The following CERS3 variants were observed in gnomAD, a reference collection of about 807,000 sequenced individuals.
CERS3 encodes ceramide synthase 3, also known as LAG1 homolog, ceramide synthase 3.
In CERS3, 33 loss-of-function variants were observed where a neutral mutation model predicts 50.3. The ratio of observed to expected loss-of-function variants is 0.66; its 90% CI spans 0.50 to 0.88. CERS3 has a LOEUF of 0.88. Ranked by LOEUF, CERS3 falls within the 40% of genes least tolerant of loss-of-function variation. CERS3 has a pLI of 0.00. For missense variants in CERS3, 470 were observed against 460.3 expected, an observed-to-expected ratio of 1.02 and a Z score of -0.19; for synonymous variants, 176 against 155.2, an observed-to-expected ratio of 1.13 and a Z score of -0.99.
chr15:100,446,696 G>T (rs527359130), intron 11 of CERS3, among the ~76,000 whole-genome samples: 8 of 152,240 alleles, frequency 5.3e-5, no homozygotes, highest in Non-Finnish European at 1.0e-4. Context: ...CAACTCAAAA[G>T]ATCCTTAATG....
chr15:100,538,977 C>A (rs994335533), intron 1 of CERS3, among the ~76,000 whole-genome samples: 3 of 152,176 alleles, frequency 2.0e-5, no homozygotes, highest in Non-Finnish European at 2.9e-5. Context: ...CTCTTGAACA[C>A]TTTACTTTTG....
intron 2 of CERS3, among the ~76,000 whole-genome samples, chr15:100,504,534 G>A (rs72759166): frequency 0.052 from 7,981 of 152,210 alleles, 298 homozygotes; most frequent in Admixed American, 0.11. Flanking sequence ...TAAGCACTGC[G>A]CCCAGCCTCA....
chr15:100,407,192 G>A (rs1352595065), intron 11 of CERS3, among the ~76,000 whole-genome samples: 4 of 152,280 alleles, frequency 2.6e-5, no homozygotes, highest in Non-Finnish European at 4.4e-5. Context: ...TCTCCAGAAA[G>A]GCATACCAGC....
chr15:100,513,179 G>T (rs1004207057), intron 2 of CERS3, among the ~76,000 whole-genome samples: 2 of 152,096 alleles, frequency 1.3e-5, no homozygotes, highest in African/African-American at 2.4e-5. Flanking sequence ...TGTGATCTAG[G>T]TTGCCATCTA....
At chr15:100,447,350 C>G (rs758445933) in intron 11 of CERS3, among the ~76,000 whole-genome samples, 1 of 152,228 alleles carries the variant, frequency 6.6e-6, no homozygotes, top group Non-Finnish European at 1.5e-5. Flanking sequence ...TGCCTATGAC[C>G]TGAAAGCCCC....
chr15:100,418,352 G>A (rs1567598091), intron 11 of CERS3, among the ~76,000 whole-genome samples: 1 of 151,968 alleles, frequency 6.6e-6, no homozygotes, highest in Non-Finnish European at 1.5e-5. Context: ...TGAAATGAAT[G>A]AAATGAAGCG....
intron 3 of CERS3, among the ~76,000 whole-genome samples, chr15:100,491,781 G>A (rs2035660725): frequency 6.6e-6 from 1 of 151,768 alleles, no homozygotes; most frequent in South Asian, 2.1e-4. Context: ...TTCATCTCAA[G>A]TATTTGCAAA....
chr15:100,526,498 G>GTGTGTGTGTGTGTGTGTGTGTGTGTGTA (rs2036797675), intron 1 of CERS3, among the ~76,000 whole-genome samples: 1 of 151,912 alleles, frequency 6.6e-6, no homozygotes, highest in Non-Finnish European at 1.5e-5. Context: ...GTGTGTGTGT[G>GTGTGTGTGTGTGTGTGTGTGTGTGTGTA]TGTGTGTGTG....
chr15:100,425,267 A>G (rs754148287), intron 11 of CERS3, among the ~76,000 whole-genome samples: 29 of 152,296 alleles, frequency 1.9e-4, no homozygotes, highest in Non-Finnish European at 1.9e-4. Context: ...CCAGACCCCA[A>G]AATGGTAGAT....
At chr15:100,543,535 T>C (rs150606028) in intron 1 of CERS3, among the ~76,000 whole-genome samples, 1 of 35,854 alleles carries the variant, frequency 2.8e-5, no homozygotes, top group Non-Finnish European at 7.1e-5. Context: ...CTTTCTTTCT[T>C]TTTTTTTTTT....
At position 100,449,763 on chromosome 15, in the gene CERS3, T is replaced by G. The variant is rs535756712; in HGVS notation, c.999+6130A>C. ...AATATCCTCCTCTATGAAAACAAAT[T>G]TTAAAAAATGTAAGAAGCAACTGTT... On this transcript the variant is annotated intron_variant, in intron 11 of 11. Transcript: ENST00000679737. 5.3e-5 allele frequency among the ~76,000 whole-genome samples: 8 copies of G among 152,226 alleles called. No homozygotes were observed. The South Asian group carries it at 1.5e-3, about 28-fold the overall frequency.
intron 11 of CERS3, among the ~76,000 whole-genome samples, chr15:100,455,449 G>T (rs1473327634): frequency 6.6e-6 from 1 of 152,128 alleles, no homozygotes; most frequent in Non-Finnish European, 1.5e-5. Context: ...AAAATAGCTG[G>T]AAGAGAGGAC....
At chr15:100,525,690 C>T (rs533984301) in intron 1 of CERS3, among the ~76,000 whole-genome samples, 2 of 152,238 alleles carry the variant, frequency 1.3e-5, no homozygotes, top group African/African-American at 4.8e-5. Context: ...ATACATAAGC[C>T]CTAATTTATT....
At chr15:100,535,708 T>C (rs118018584) in intron 1 of CERS3, among the ~76,000 whole-genome samples, 1,836 of 121,606 alleles carry the variant, frequency 0.015, 33 homozygotes, top group Admixed American at 0.027. Context: ...CATATGTGCA[T>C]GTGAAGTGGG....
intron 11 of CERS3, among the ~76,000 whole-genome samples, chr15:100,403,416 A>G (rs2030713903): frequency 6.6e-6 from 1 of 152,180 alleles, no homozygotes; most frequent in South Asian, 2.1e-4. Flanking sequence ...GGACAAAACA[A>G]TTAATGAAAC....
At chr15:100,445,132 A>G (rs1291096472) in intron 11 of CERS3, among the ~76,000 whole-genome samples, 1 of 151,344 alleles carries the variant, frequency 6.6e-6, no homozygotes, top group Non-Finnish European at 1.5e-5. Context: ...GGAATGCTAC[A>G]AGGTACAGCC....
upstream of CERS3, chr15:100,529,008 G>A (rs1376678717): frequency 6.6e-6 from 1 of 152,180 alleles, no homozygotes; most frequent in Non-Finnish European, 1.5e-5. Flanking sequence ...AGTCAGTGAC[G>A]TGAGGCGAAG....
intron 3 of CERS3, among the ~76,000 whole-genome samples, chr15:100,499,134 TAAC>T (rs958426478): frequency 2.0e-5 from 3 of 152,164 alleles, no homozygotes; most frequent in Non-Finnish European, 4.4e-5. Flanking sequence ...TATAATTAAG[TAAC>T]AACAATAATA....
At chr15:100,416,163 C>A (rs531664012) in intron 11 of CERS3, among the ~76,000 whole-genome samples, 1 of 152,158 alleles carries the variant, frequency 6.6e-6, no homozygotes, top group African/African-American at 2.4e-5. Flanking sequence ...CAAAAAAGAG[C>A]CCCCAAATAG....
Sources: gnomAD v4.1 joint callset for allele counts (sites outside exome capture counted in the v4.1 genomes callset) on GRCh38, gnomAD v4.1.1 for gene constraint, MANE v1.5 for transcripts, NCBI Gene and HGNC (gene_info 2026-07-23, HGNC 2026-07-21) for gene names.